VPS37B: variants seen among roughly 807,000 people sequenced by gnomAD.
VPS37B encodes VPS37B subunit of ESCRT-I.
Under a neutral mutation model 21.2 loss-of-function variants are expected in VPS37B, and 11 were observed. That is an observed-to-expected ratio of 0.52 (90% CI 0.33 to 0.86). The LOEUF is 0.86. Among genes scored for constraint, VPS37B ranks in the 40% least tolerant of loss-of-function variants. The pLI, the probability that VPS37B is intolerant of heterozygous loss-of-function variation, is 0.03. For synonymous variants in VPS37B, 175 were observed against 159.6 expected, an observed-to-expected ratio of 1.10 and a Z score of -0.73; for missense variants, 389 against 374.8, an observed-to-expected ratio of 1.04 and a Z score of -0.31.
chr12:122,872,575 G>C, intron 1 of VPS37B: 1 of 985,392 alleles, frequency 1.0e-6, no homozygotes. Flanking sequence ...TAAGCAGTGG[G>C]GCTCCCGTCA....
intron 1 of VPS37B, chr12:122,879,510 A>C (rs887572420): frequency 6.6e-5 from 10 of 152,450 alleles, no homozygotes; most frequent in African/African-American, 2.4e-4. Flanking sequence ...GCAGGCCTGG[A>C]AGTGAGAAGT....
chr12:122,886,106 GTCCTTATGAATA>G (rs1207137392), intron 1 of VPS37B: 3 of 152,148 alleles, frequency 2.0e-5, no homozygotes, highest in Non-Finnish European at 4.4e-5. Context: ...ATCTAGAATT[GTCCTTATGAATA>G]TCAAGTGACT....
intron 2 of VPS37B, 62 bp downstream of exon 2, chr12:122,870,828 A>C (rs2034011873): frequency 1.9e-6 from 3 of 1,544,540 alleles, no homozygotes; most frequent in African/African-American, 1.4e-5. Flanking sequence ...GTAGGGCAAT[A>C]GCTTGAAAAT....
In VPS37B at chr12:122,888,559, T is replaced by C. The variant is rs757909593; in HGVS notation, c.111+7393A>G. ...CATAGCAACATTCTGCTACAAATACTGTAATCAAAGCCAAACAGGCAACAA... is the reference window on the plus strand; with the variant it reads ...CATAGCAACATTCTGCTACAAATACCGTAATCAAAGCCAAACAGGCAACAA... On this transcript the variant is annotated intron_variant, in intron 1 of 3. Coordinates refer to ENST00000267202, the MANE Select transcript of VPS37B (RefSeq NM_024667.3). 28 of 456,048 alleles carry C rather than the reference T, an allele frequency of 6.1e-5. No individual in the cohort carries two copies. The East Asian group carries it at 1.1e-3, about 18-fold the overall frequency. The allele number at this position is 456,048 out of a possible 1,614,324, so 28.3% of individuals were successfully genotyped here.
At chr12:122,880,325 A>T (rs975022445) in intron 1 of VPS37B, 1 of 152,170 alleles carries the variant, frequency 6.6e-6, no homozygotes, top group Non-Finnish European at 1.5e-5. Context: ...AAAGGGGGAA[A>T]AATGAAGATG....
intron 1 of VPS37B, chr12:122,885,461 A>G (rs1253390675): frequency 6.6e-6 from 1 of 152,106 alleles, no homozygotes; most frequent in Non-Finnish European, 1.5e-5. Flanking sequence ...TTTAAAAAAT[A>G]AGAAAATACC....
Position 122,867,611 on chromosome 12 carries a change from A to G in VPS37B, c.367-4T>C. Reference sequence around the variant, plus strand: ...CCAGAAACTTCTCTGCCATGTTCTGAAAGAGGCAGAAACCTGGTTACAGGG... The same window carrying G: ...CCAGAAACTTCTCTGCCATGTTCTGGAAGAGGCAGAAACCTGGTTACAGGG... On this transcript the variant is annotated splice_region_variant and splice_polypyrimidine_tract_variant and intron_variant, in intron 3 of 3. Coordinates refer to ENST00000267202, the MANE Select transcript of VPS37B (RefSeq NM_024667.3). This position sits in a 1 kb window ranked among gnomAD's most constrained non-coding sequence, Gnocchi z 5.5. 2 of 1,611,808 alleles carry G rather than the reference A, an allele frequency of 1.2e-6. No homozygotes were observed. Among genetic ancestry groups the G allele is most frequent in the South Asian group, 1.1e-5 (1 of 91,090 alleles).
At chr12:122,872,707 C>T in intron 1 of VPS37B, 4 of 985,030 alleles carry the variant, frequency 4.1e-6, no homozygotes, top group East Asian at 1.1e-4. Context: ...TATGGCCACT[C>T]TGGAAAACAG....
chr12:122,886,204 T>C (rs997746096), intron 1 of VPS37B: 9 of 152,138 alleles, frequency 5.9e-5, no homozygotes, highest in Non-Finnish European at 1.2e-4. Context: ...AAATAAGCAT[T>C]TGCCAAAGTG....
At chr12:122,871,774 C>T (rs2034040246) in intron 1 of VPS37B, 2 of 966,028 alleles carry the variant, frequency 2.1e-6, no homozygotes, top group Non-Finnish European at 2.5e-6. Flanking sequence ...ATGCCCAGAA[C>T]TTAGGGGAGA....
intron 1 of VPS37B, among the ~76,000 whole-genome samples, chr12:122,895,625 A>C (rs1175533374): frequency 6.6e-6 from 1 of 151,468 alleles, no homozygotes; most frequent in Non-Finnish European, 1.5e-5. Context: ...AAGTCTTCAG[A>C]CCCAGCCTTA....
intron 1 of VPS37B, chr12:122,871,922 G>A (rs1318990768): frequency 1.0e-6 from 1 of 985,252 alleles, no homozygotes; most frequent in South Asian, 4.7e-5. Context: ...CTCTACCACA[G>A]CCCAGCCGCC....
rs372336962 is a variant in VPS37B at position 122,893,043 on chromosome 12, G to C, written c.111+2909C>G. Among the ~76,000 whole-genome samples, 23 of 139,184 alleles carry C rather than the reference G, an allele frequency of 1.7e-4. No individual in the cohort carries two copies. In the East Asian group the frequency reaches 3.7e-3, roughly 23 times the overall value. 91.3% of individuals were successfully genotyped at this position (139,184 alleles called of 152,430 possible). ...ACTACTGCACTCCAGCTGGGCAACA[G>C]AGCAAGATCCTTTCTCAAAAAAAAA... On this transcript the variant is annotated intron_variant, in intron 1 of 3. Coordinates refer to ENST00000267202, the MANE Select transcript of VPS37B (RefSeq NM_024667.3).
At chr12:122,884,090 C>G (rs138650943) in intron 1 of VPS37B, 5 of 152,368 alleles carry the variant, frequency 3.3e-5, no homozygotes, top group Admixed American at 2.6e-4. Flanking sequence ...AGGAAATGCA[C>G]AGCGGAGCCC....
Position 122,868,267 on chromosome 12 carries a change from T to A in VPS37B, c.366+213A>T, listed in dbSNP as rs969100716. Among the ~76,000 whole-genome samples, 1 of 151,978 alleles carries A rather than the reference T, an allele frequency of 6.6e-6. No homozygotes were observed. Among genetic ancestry groups the A allele is most frequent in the Non-Finnish European group, 1.5e-5 (1 of 67,962 alleles). ...ACGCATGCCCTCTCTTGGCCCTCGCTCGGACCTGCCCTCACTCACCCCGCT... is the reference window on the plus strand; with the variant it reads ...ACGCATGCCCTCTCTTGGCCCTCGCACGGACCTGCCCTCACTCACCCCGCT... On this transcript the variant is annotated intron_variant, in intron 3 of 3. Transcript: ENST00000267202. The surrounding 1 kb of genome is among the most constrained non-coding windows in gnomAD (Gnocchi z 5.5).
intron 1 of VPS37B, chr12:122,871,388 AGT>A: frequency 1.9e-6 from 2 of 1,058,634 alleles, no homozygotes; most frequent in Non-Finnish European, 2.3e-6. Context: ...TGCTTGCAGA[AGT>A]AAACAGCTGT....
At position 122,866,874 on chromosome 12, in the gene VPS37B, C is replaced by G. The variant is rs993426253; in HGVS notation, c.*242G>C. On this transcript the variant is annotated 3_prime_UTR_variant, in exon 4 of 4. Transcript: ENST00000267202. ...AACGCTAAGATACTTAGAAATCACA[C>G]GGATAATGCAAACCGATGCAACGCA... 2 of 427,774 alleles carry G rather than the reference C, an allele frequency of 4.7e-6. No individual in the cohort carries two copies. Among genetic ancestry groups the G allele is most frequent in the Non-Finnish European group, 8.1e-6 (2 of 246,156 alleles). The allele number at this position is 427,774 out of a possible 1,614,324, so 26.5% of individuals were successfully genotyped here. A position where few individuals can be genotyped will look rare whatever the true frequency, so the allele number is the denominator to read the frequency against.
Position 122,885,671 on chromosome 12 carries a change from ATTATTATTATTTT to A in VPS37B, c.111+10268_111+10280del, listed in dbSNP as rs1303197752. On this transcript the variant is annotated intron_variant, in intron 1 of 3. Transcript: ENST00000267202. ...TTCTATAATAAACATGTAAAACATT[ATTATTATTATTTT>A]TTTTTTTTTTTTTTTTTGAGACGGA... is the stretch of plus-strand genomic sequence containing the variant. The A allele has an allele frequency of 1.1e-4, 11 of 96,046 alleles. No individual in the cohort carries two copies. The South Asian group carries it at 1.2e-3, about 11-fold the overall frequency. The allele number at this position is 96,046 out of a possible 1,614,324, so 5.9% of individuals were successfully genotyped here. A position where few individuals can be genotyped will look rare whatever the true frequency, so the allele number is the denominator to read the frequency against.
Position 122,867,243 on chromosome 12 carries a change from G to A in VPS37B, c.731C>T (p.Pro244Leu). The change falls in exon 4 of 4, where the codon CCC becomes CTC. Residue 244 changes from proline (P) to leucine (L), a missense_variant. Coordinates refer to ENST00000267202, the MANE Select transcript of VPS37B (RefSeq NM_024667.3). The surrounding 1 kb of genome is among the most constrained non-coding windows in gnomAD (Gnocchi z 5.5). ...CTGAGTGGGGAGGCCCACGCGGGGGGGCAGGGGCGGGCACTGTAATCCTGG... is the reference window on the plus strand; with the variant it reads ...CTGAGTGGGGAGGCCCACGCGGGGGAGCAGGGGCGGGCACTGTAATCCTGG... ...PYPGLQCPPL[P>L]PRVGLPTQQG... The A allele has an allele frequency of 1.3e-6, 2 of 1,569,202 alleles. No homozygotes were observed. Among genetic ancestry groups the A allele is most frequent in the African/African-American group, 1.4e-5 (1 of 73,484 alleles).
Sources: allele counts gnomAD v4.1 joint callset (sites outside exome capture counted in the v4.1 genomes callset), GRCh38; gene constraint gnomAD v4.1.1; non-coding constraint Gnocchi (gnomAD v3.1); transcripts MANE v1.5; gene names NCBI Gene and HGNC (gene_info 2026-07-23, HGNC 2026-07-21).